RBMS3: variants seen among roughly 807,000 people sequenced by gnomAD.
RBMS3 encodes RNA-binding motif, single-stranded-interacting protein 3.
A neutral mutation model predicts 66.8 loss-of-function variants in RBMS3; 27 were observed. The observed-to-expected ratio is 0.40, with a 90% CI of 0.30 to 0.56. RBMS3 has a LOEUF of 0.56. Ranked by LOEUF, RBMS3 falls within the 20% of genes least tolerant of loss-of-function variation. The probability of loss-of-function intolerance (pLI) is 0.40; values close to 1 mark genes in which losing one functional copy is unlikely to be tolerated. For synonymous variants in RBMS3, 188 were observed against 183.0 expected (o/e 1.03, Z -0.22); for missense variants, 513 against 549.5 (o/e 0.93, Z 0.66).
chr3:29,576,045 A>G (rs919978329), intron 3 of RBMS3, among the ~76,000 whole-genome samples: 1 of 151,980 alleles, frequency 6.6e-6, no homozygotes, highest in Non-Finnish European at 1.5e-5. Flanking sequence ...GTCTTCTTGG[A>G]TGATTTTGAT....
chr3:29,457,255 C>T (rs2042221932), intron 2 of RBMS3, among the ~76,000 whole-genome samples: 1 of 152,200 alleles, frequency 6.6e-6, no homozygotes, highest in Non-Finnish European at 1.5e-5. Context: ...TTCTCCTCAT[C>T]CTTCCTTTGA....
At chr3:29,723,030 C>G (rs1238951054) in intron 4 of RBMS3, among the ~76,000 whole-genome samples, 2 of 151,912 alleles carry the variant, frequency 1.3e-5, no homozygotes, top group African/African-American at 4.8e-5. Flanking sequence ...GGCTGGAGTG[C>G]AACGGCATGA....
At chr3:29,424,682 C>G (rs910501717) in intron 1 of RBMS3, among the ~76,000 whole-genome samples, 1 of 152,128 alleles carries the variant, frequency 6.6e-6, no homozygotes, top group Non-Finnish European at 1.5e-5. Context: ...ATCAAAAAAA[C>G]CTGATACTAT....
intron 4 of RBMS3, among the ~76,000 whole-genome samples, chr3:29,635,742 A>G (rs2049450315): frequency 6.6e-6 from 1 of 151,882 alleles, no homozygotes; most frequent in African/African-American, 2.4e-5. Flanking sequence ...CACGTTTCCT[A>G]TTCTCTTGAA....
chr3:29,384,341 TAAAAC>T (rs1158007037), intron 1 of RBMS3, among the ~76,000 whole-genome samples: 1 of 150,000 alleles, frequency 6.7e-6, no homozygotes, highest in African/African-American at 2.5e-5. Context: ...AACAAACAAA[TAAAAC>T]AATTATAGTG....
rs547137450 is a variant in RBMS3, at chr3:29,960,779, G to A, written c.1098+16525G>A. ...ACTCTCTGAAGCCATAGCCCAAGCC[G>A]TACCTTGGCCCCTTTCTAGCCATGG... On this transcript the variant is annotated intron_variant, in intron 12 of 14. Coordinates refer to ENST00000383767, the MANE Select transcript of RBMS3 (RefSeq NM_001003793.3). Among the ~76,000 whole-genome samples, 26 of 152,268 alleles carry A rather than the reference G, an allele frequency of 1.7e-4. No individual in the cohort carries two copies. The South Asian group carries it at 2.7e-3, about 16-fold the overall frequency.
chr3:29,298,051 C>T (rs2033402940), intron 1 of RBMS3, among the ~76,000 whole-genome samples: 2 of 151,858 alleles, frequency 1.3e-5, no homozygotes, highest in South Asian at 2.1e-4. Flanking sequence ...TTTTGTTAAT[C>T]TTCCTCCAAT....
intron 1 of RBMS3, among the ~76,000 whole-genome samples, chr3:29,350,170 A>AT: frequency 6.6e-6 from 1 of 152,090 alleles, no homozygotes; most frequent in Non-Finnish European, 1.5e-5. Flanking sequence ...TGAAAAAAAA[A>AT]AAAAAAATCT....
intron 5 of RBMS3, among the ~76,000 whole-genome samples, chr3:29,747,813 C>A (rs947181710): frequency 6.6e-6 from 1 of 152,116 alleles, no homozygotes; most frequent in African/African-American, 2.4e-5. Context: ...AAAGAGCGGG[C>A]AAACAGGGGC....
intron 14 of RBMS3, among the ~76,000 whole-genome samples, chr3:29,995,657 CA>C (rs1036962544): frequency 2.0e-5 from 3 of 151,926 alleles, no homozygotes; most frequent in African/African-American, 7.3e-5. Flanking sequence ...ATTTCATATC[CA>C]GCCAAACTAA....
At chr3:29,778,551 C>T (rs2056507097) in intron 6 of RBMS3, among the ~76,000 whole-genome samples, 1 of 151,614 alleles carries the variant, frequency 6.6e-6, no homozygotes, top group Admixed American at 6.6e-5. Context: ...ACTGTTCCAT[C>T]TTGCAGATGA....
chr3:29,876,308 A>G (rs975549644), intron 7 of RBMS3, among the ~76,000 whole-genome samples: 1 of 152,172 alleles, frequency 6.6e-6, no homozygotes, highest in East Asian at 1.9e-4. Flanking sequence ...CAAAGGCTAA[A>G]AAAAATTATC....
chr3:29,595,999 G>A (rs142925702), intron 4 of RBMS3, among the ~76,000 whole-genome samples: 45 of 152,216 alleles, frequency 3.0e-4, no homozygotes, highest in African/African-American at 8.4e-4. Context: ...TCACAAGACC[G>A]GTGAGTTATT....
intron 1 of RBMS3, among the ~76,000 whole-genome samples, chr3:29,387,952 G>A (rs2125636756): frequency 6.6e-6 from 1 of 151,938 alleles, no homozygotes; most frequent in Admixed American, 6.6e-5. Flanking sequence ...TATTTCTTAG[G>A]CTAAGAGAAC....
chr3:29,311,765 G>A (rs1211920478), intron 1 of RBMS3, among the ~76,000 whole-genome samples: 4 of 151,740 alleles, frequency 2.6e-5, no homozygotes, highest in African/African-American at 7.3e-5. Flanking sequence ...GAAGATTAGG[G>A]GGATTGGCCA....
chr3:29,356,900 A>G (rs2037253260), intron 1 of RBMS3, among the ~76,000 whole-genome samples: 1 of 152,102 alleles, frequency 6.6e-6, no homozygotes, highest in Non-Finnish European at 1.5e-5. Context: ...GTTGAGTGTT[A>G]TTTGGTTTGG....
intron 4 of RBMS3, among the ~76,000 whole-genome samples, chr3:29,638,955 G>T (rs1241629384): frequency 6.6e-6 from 1 of 151,734 alleles, no homozygotes; most frequent in Non-Finnish European, 1.5e-5. Flanking sequence ...TTTGATTCCT[G>T]TATCTGCTAT....
At chr3:29,454,354 C>G (rs2042112634) in intron 2 of RBMS3, among the ~76,000 whole-genome samples, 1 of 152,184 alleles carries the variant, frequency 6.6e-6, no homozygotes, top group African/African-American at 2.4e-5. Flanking sequence ...TCCCTCTGTT[C>G]ACTCACAGAC....
chr3:29,340,141 T>A (rs917407667), intron 1 of RBMS3, among the ~76,000 whole-genome samples: 5 of 152,136 alleles, frequency 3.3e-5, no homozygotes, highest in African/African-American at 1.2e-4. Flanking sequence ...TTGTCTGTCT[T>A]CTCCCAGGAC....
Sources: allele counts gnomAD v4.1 joint callset (sites outside exome capture counted in the v4.1 genomes callset), GRCh38; gene constraint gnomAD v4.1.1; transcripts MANE v1.5; gene names NCBI Gene and HGNC (gene_info 2026-07-23, HGNC 2026-07-21).